MAP4K5: variants seen among roughly 807,000 people sequenced by gnomAD.
MAP4K5 encodes mitogen-activated protein kinase kinase kinase kinase 5.
MAP4K5 carries 82 observed loss-of-function variants against 135.6 expected under a neutral mutation model. That is an observed-to-expected ratio of 0.60 (90% CI 0.51 to 0.73). MAP4K5 has a LOEUF of 0.73. Ranked by LOEUF, MAP4K5 falls within the 30% of genes least tolerant of loss-of-function variation. The pLI is 0.00. For synonymous variants in MAP4K5, 347 were observed against 335.0 expected (o/e 1.04, Z -0.39); for missense variants, 907 against 1,010.9 (o/e 0.90, Z 1.39).
chr14:50,524,180 T>C (rs1217052414), intron 2 of MAP4K5, among the ~76,000 whole-genome samples: 2 of 152,190 alleles, frequency 1.3e-5, no homozygotes, highest in Non-Finnish European at 2.9e-5. Context: ...GGTAACTGAA[T>C]GCTGTAATCA....
chr14:50,458,072 C>T (rs1328261902), intron 13 of MAP4K5, among the ~76,000 whole-genome samples: 1 of 152,148 alleles, frequency 6.6e-6, no homozygotes, highest in African/African-American at 2.4e-5. Context: ...AAACACTTCT[C>T]TAGTCATCTA....
Position 50,440,413 on chromosome 14 carries a change from A to G in MAP4K5, c.1593T>C (p.Asp531=). ...CATTGAGATTCAGTGTGTAAATACC[A>G]TCTTCAGTTCCAAAAATAATGTACT... is the stretch of plus-strand genomic sequence containing the variant. The part of the protein sequence containing the change: ...KDQYIIFGTE[D]GIYTLNLNEL... Residue 531 remains aspartate (D), a synonymous_variant, in exon 22 of 33, where the codon GAT becomes GAC. Coordinates refer to ENST00000682126, the MANE Select transcript of MAP4K5 (RefSeq NM_006575.6). The G allele has an allele frequency of 1.3e-6, 2 of 1,599,868 alleles. No homozygotes were observed. The highest frequency in any genetic ancestry group is 1.7e-5 in the Admixed American group (1 of 59,030).
At chr14:50,540,334 G>C (rs2038545700) in intron 2 of MAP4K5, among the ~76,000 whole-genome samples, 1 of 152,132 alleles carries the variant, frequency 6.6e-6, no homozygotes, top group African/African-American at 2.4e-5. Context: ...GGGACTGATT[G>C]GTAGAAACCT....
At chr14:50,462,918 A>G in intron 12 of MAP4K5, 137 bp from the exon 13 acceptor site, 1 of 568,914 alleles carries the variant, frequency 1.8e-6, no homozygotes, top group South Asian at 2.2e-5. Flanking sequence ...AAACTGTGTT[A>G]GTAAAAATAT....
At chr14:50,524,403 T>C (rs2038215217) in intron 2 of MAP4K5, among the ~76,000 whole-genome samples, 1 of 152,210 alleles carries the variant, frequency 6.6e-6, no homozygotes. Flanking sequence ...GGCATATTTA[T>C]TGACCACATA....
chr14:50,460,343 G>GT (rs2139800157), intron 13 of MAP4K5, among the ~76,000 whole-genome samples: 1 of 152,224 alleles, frequency 6.6e-6, no homozygotes, highest in Non-Finnish European at 1.5e-5. Context: ...CTGGCACGTG[G>GT]TTTTGCATTT....
intron 2 of MAP4K5, among the ~76,000 whole-genome samples, chr14:50,513,163 C>A (rs1448208527): frequency 6.6e-6 from 1 of 152,162 alleles, no homozygotes; most frequent in East Asian, 1.9e-4. Flanking sequence ...ATAAAATCCA[C>A]AATAGAATCA....
chr14:50,553,170 C>T (rs183543270), intron 1 of MAP4K5, among the ~76,000 whole-genome samples: 2 of 151,814 alleles, frequency 1.3e-5, no homozygotes, highest in African/African-American at 4.8e-5. Context: ...GTGGTGTGTG[C>T]CTGTAGTCAC....
intron 9 of MAP4K5, chr14:50,472,590 T>C (rs982351536): frequency 1.3e-5 from 2 of 152,150 alleles, no homozygotes; most frequent in Non-Finnish European, 2.9e-5. Flanking sequence ...ATGTAAACAA[T>C]GTGGTAATGT....
chr14:50,510,895 T>C (rs1448679121), intron 2 of MAP4K5, among the ~76,000 whole-genome samples: 1 of 152,178 alleles, frequency 6.6e-6, no homozygotes, highest in Non-Finnish European at 1.5e-5. Flanking sequence ...TTTGGCAGTT[T>C]CTCACAAAGC....
Position 50,532,207 on chromosome 14 carries a change from C to T in MAP4K5, c.-109-49G>A, listed in dbSNP as rs2038410355. On this transcript the variant is annotated intron_variant, in intron 1 of 32. Coordinates refer to ENST00000682126, the MANE Select transcript of MAP4K5 (RefSeq NM_006575.6). Reference sequence around the variant, plus strand: ...TGGTTGGCGTCGCAGGCTACGACCCCCAGCGGCCCGCGCCCTCGCGGCCCG... The same window carrying T: ...TGGTTGGCGTCGCAGGCTACGACCCTCAGCGGCCCGCGCCCTCGCGGCCCG... 3 of 576,182 alleles carry T rather than the reference C, an allele frequency of 5.2e-6. No individual in the cohort carries two copies. The East Asian group carries it at 9.4e-5, about 18-fold the overall frequency. 35.7% of individuals were successfully genotyped at this position (576,182 alleles called of 1,614,324 possible). A position where few individuals can be genotyped will look rare whatever the true frequency, so the allele number is the denominator to read the frequency against.
chr14:50,486,399 ATTT>A (rs969694151), intron 3 of MAP4K5, among the ~76,000 whole-genome samples: 1 of 150,742 alleles, frequency 6.6e-6, no homozygotes, highest in Non-Finnish European at 1.5e-5. Flanking sequence ...TTACTTACAA[ATTT>A]TTTTTTTCTT....
intron 6 of MAP4K5, among the ~76,000 whole-genome samples, chr14:50,477,791 T>C (rs75118996): frequency 0.014 from 2,173 of 152,182 alleles, 42 homozygotes; most frequent in African/African-American, 0.05. Flanking sequence ...AAACCAACAC[T>C]GCATTCTAGA....
At chr14:50,487,617 G>C (rs1050369627) in intron 3 of MAP4K5, among the ~76,000 whole-genome samples, 3 of 152,162 alleles carry the variant, frequency 2.0e-5, no homozygotes, top group African/African-American at 7.2e-5. Context: ...ATGGCTACTT[G>C]TTACAATTGA....
At chr14:50,496,090 C>T (rs1374038453) in intron 3 of MAP4K5, among the ~76,000 whole-genome samples, 14 of 151,960 alleles carry the variant, frequency 9.2e-5, no homozygotes, top group East Asian at 3.9e-4. Context: ...TTTTGGAGGC[C>T]GAGGCAGGTG....
intron 1 of MAP4K5, among the ~76,000 whole-genome samples, chr14:50,544,331 A>G (rs1173144261): frequency 1.3e-5 from 2 of 152,150 alleles, no homozygotes; most frequent in Admixed American, 6.5e-5. Context: ...CAGAACCACA[A>G]TTTTGTTGAC....
At chr14:50,485,279 A>AT (rs912385829) in intron 5 of MAP4K5, among the ~76,000 whole-genome samples, 11 of 151,556 alleles carry the variant, frequency 7.3e-5, no homozygotes, top group African/African-American at 1.9e-4. Context: ...TTGCATTTCA[A>AT]TTTTTTTTTA....
At chr14:50,437,566 A>G in intron 25 of MAP4K5, 32 bp from the exon 26 acceptor site, 1 of 1,411,724 alleles carries the variant, frequency 7.1e-7, no homozygotes, top group South Asian at 1.3e-5. Context: ...AATGCACTCT[A>G]CAGTAGTGGT....
chr14:50,476,285 T>C lies in MAP4K5; in HGVS notation c.400A>G (p.Lys134Glu). 6.7e-7 allele frequency: 1 copy of C among 1,483,486 alleles called. No homozygotes were observed. The highest frequency in any genetic ancestry group is 9.0e-7 in the Non-Finnish European group (1 of 1,113,488). The allele number at this position is 1,483,486 out of a possible 1,614,324, so 91.9% of individuals were successfully genotyped here. The change falls in exon 7 of 33, where the codon AAA becomes GAA. Residue 134 changes from lysine (K) to glutamate (E), a missense_variant. Lys to Glu is a moderately conservative substitution (Grantham distance 56). Transcript: ENST00000682126. ...TTGATATCTCTATGCATTTTGCCTT[T>C]AGTATGCAAATAGGCAAGACCCTAA... ...TLQGLAYLHT[K>E]GKMHRDIKGA...
Sources: gnomAD v4.1 joint callset for allele counts (sites outside exome capture counted in the v4.1 genomes callset) on GRCh38, gnomAD v4.1.1 for gene constraint, MANE v1.5 for transcripts, NCBI Gene and HGNC (gene_info 2026-07-23, HGNC 2026-07-21) for gene names.